The following LRRC36 variants were observed in gnomAD, a reference collection of about 807,000 sequenced individuals.
LRRC36 encodes the protein leucine rich repeat containing 36, also known as leucine-rich repeat-containing protein 36.
In LRRC36, 62 loss-of-function variants were observed where a neutral mutation model predicts 81.1. That is an observed-to-expected ratio of 0.76 (90% confidence interval 0.62 to 0.94). LRRC36 has a LOEUF of 0.94. Among genes scored for constraint, LRRC36 ranks in the 40% least tolerant of loss-of-function variants. The pLI is 0.00. For synonymous variants in LRRC36, 334 were observed against 348.6 expected (o/e 0.96, Z 0.47); for missense variants, 761 against 881.7 (o/e 0.86, Z 1.73).
In LRRC36 at chr16:67,350,250, A is replaced by C. The variant is rs1487888150; in HGVS notation, c.537A>C (p.Ala179=). The change falls in exon 5 of 14, where the codon GCA becomes GCC. Residue 179 remains alanine, a synonymous_variant. Transcript: ENST00000329956. ...MKNCVTGESS[A]SKVSANVDSR... ...ACTGTGTAACAGGTGAGAGCTCTGC[A>C]TCAAAAGTCAGTGCTAATGTTGACA... is the stretch of plus-strand genomic sequence containing the variant. 2 of 1,613,466 alleles carry C rather than the reference A, an allele frequency of 1.2e-6. No homozygotes were observed. The highest frequency in any genetic ancestry group is 2.7e-5 in the African/African-American group (2 of 74,696).
In LRRC36 at chr16:67,378,612, C is replaced by A; in HGVS notation, c.1830C>A (p.Val610=). ...NDMESLKQKL[V]RVLEENLILS... ...AGGAAAGTTTGAAGCAAAAACTGGT[C>A]AGAGTGCTGGAGGAAAACCTCATTT... The change falls in exon 12 of 14, where the codon GTC becomes GTA. Residue 610 remains valine, a synonymous_variant. Transcript: ENST00000329956. The A allele has an allele frequency of 6.2e-7, 1 of 1,613,878 alleles. No homozygotes were observed. Among genetic ancestry groups the A allele is most frequent in the South Asian group, 1.1e-5 (1 of 91,032 alleles).
At chr16:67,377,617 C>T (rs1429122152) in intron 11 of LRRC36, among the ~76,000 whole-genome samples, 1 of 152,076 alleles carries the variant, frequency 6.6e-6, no homozygotes, top group Middle Eastern at 3.4e-3. Flanking sequence ...CAGGCATGAG[C>T]CACTGCACCT....
In LRRC36 at chr16:67,347,609, A is replaced by G; in HGVS notation, c.488+18A>G. ...GAAAAAAGGTAAGAAGATTCTTTAC[A>G]AAATTTTTAAAGTTTGGTTCTGGAC... On this transcript the variant is annotated intron_variant, in intron 4 of 13. Transcript: ENST00000329956. 1 of 1,587,450 alleles carries G rather than the reference A, an allele frequency of 6.3e-7. No homozygotes were observed. The highest frequency in any genetic ancestry group is 8.6e-7 in the Non-Finnish European group (1 of 1,158,066).
chr16:67,336,011 C>T (rs1048094275), intron 1 of LRRC36, among the ~76,000 whole-genome samples: 6 of 152,212 alleles, frequency 3.9e-5, no homozygotes, highest in East Asian at 3.9e-4. Context: ...GGATTACAGG[C>T]GTGAGCCACC....
At chr16:67,353,765 G>A (rs1356208443) in intron 5 of LRRC36, among the ~76,000 whole-genome samples, 1 of 152,126 alleles carries the variant, frequency 6.6e-6, no homozygotes, top group Non-Finnish European at 1.5e-5. Flanking sequence ...CTACAGGTGA[G>A]GAAACTGATA....
Position 67,371,243 on chromosome 16 carries a change from G to A in LRRC36, c.1494+1G>A, listed in dbSNP as rs2039625030. On this transcript the variant is annotated splice_donor_variant, in intron 9 of 13. Coordinates refer to ENST00000329956, the MANE Select transcript of LRRC36 (RefSeq NM_018296.6). LOFTEE classifies it high-confidence loss of function. ...TTTCCAAGATGCTACAGGCAGCGAG[G>A]CAAGTGTTGGCTTGTTTGTGTTTGT... 1.2e-6 allele frequency: 2 copies of A among 1,614,182 alleles called. No individual in the cohort carries two copies. Among genetic ancestry groups the A allele is most frequent in the Non-Finnish European group, 1.7e-6 (2 of 1,180,034 alleles).
chr16:67,385,145 A>G lies in LRRC36; in HGVS notation c.*56A>G, dbSNP rs1158787167. The G allele has an allele frequency of 1.0e-5, 14 of 1,337,788 alleles. No homozygotes were observed. In the African/African-American group the frequency reaches 1.9e-4, roughly 18 times the overall value. The allele number at this position is 1,337,788 out of a possible 1,614,324, so 82.9% of individuals were successfully genotyped here. A position where few individuals can be genotyped will look rare whatever the true frequency, so the allele number is the denominator to read the frequency against. ...CTGGTCCACAGAGGCTCTCACCGCC[A>G]TTGCCACCAGTATGGTGGTATGTAC... On this transcript the variant is annotated 3_prime_UTR_variant, in exon 14 of 14. Coordinates refer to ENST00000329956, the MANE Select transcript of LRRC36 (RefSeq NM_018296.6).
intron 1 of LRRC36, among the ~76,000 whole-genome samples, chr16:67,330,960 T>C (rs1040190100): frequency 6.6e-6 from 1 of 152,068 alleles, no homozygotes; most frequent in Non-Finnish European, 1.5e-5. Flanking sequence ...GAAGTTGATT[T>C]GGCTCATGGT....
intron 9 of LRRC36, among the ~76,000 whole-genome samples, chr16:67,373,920 T>A (rs1239840384): frequency 6.6e-6 from 1 of 150,624 alleles, no homozygotes. Flanking sequence ...GACTGAGTCA[T>A]GAGAATTGCT....
chr16:67,366,466 T>C (rs1192129765), intron 7 of LRRC36, among the ~76,000 whole-genome samples: 1 of 151,590 alleles, frequency 6.6e-6, no homozygotes, highest in African/African-American at 2.4e-5. Context: ...AATACAAAAA[T>C]TAGCCGGGCA....
At chr16:67,375,667 G>A (rs2142155162) in intron 10 of LRRC36, among the ~76,000 whole-genome samples, 1 of 152,056 alleles carries the variant, frequency 6.6e-6, no homozygotes, top group South Asian at 2.1e-4. Context: ...GCTAGTCTTT[G>A]GTAATATATA....
intron 13 of LRRC36, among the ~76,000 whole-genome samples, chr16:67,383,439 G>A (rs763785729): frequency 3.9e-5 from 6 of 152,188 alleles, no homozygotes; most frequent in South Asian, 4.1e-4. Context: ...CTCGAAGGAC[G>A]TGTTGAAATG....
At chr16:67,349,593 C>T (rs1254692276) in intron 4 of LRRC36, among the ~76,000 whole-genome samples, 1 of 152,132 alleles carries the variant, frequency 6.6e-6, no homozygotes, top group Admixed American at 6.6e-5. Context: ...AACTGTCCTA[C>T]CCCCTCAATC....
intron 9 of LRRC36, 119 bp downstream of exon 9, chr16:67,371,361 T>G (rs1425332265): frequency 1.6e-6 from 2 of 1,259,350 alleles, no homozygotes; most frequent in African/African-American, 1.5e-5. Flanking sequence ...AAAGAGATTT[T>G]CAGAGGCTGG....
At chr16:67,348,921 C>G (rs1209617739) in intron 4 of LRRC36, among the ~76,000 whole-genome samples, 1 of 152,174 alleles carries the variant, frequency 6.6e-6, no homozygotes, top group Non-Finnish European at 1.5e-5. Context: ...CTGCTCTGAT[C>G]CATTATATGT....
At chr16:67,351,904 C>G (rs924702460) in intron 5 of LRRC36, among the ~76,000 whole-genome samples, 7 of 152,086 alleles carry the variant, frequency 4.6e-5, no homozygotes, top group African/African-American at 1.7e-4. Flanking sequence ...ACATTTTGGT[C>G]CTAGTTAATG....
At chr16:67,378,535 C>G in intron 11 of LRRC36, 54 bp from the exon 12 acceptor site, 1 of 1,579,860 alleles carries the variant, frequency 6.3e-7, no homozygotes, top group Non-Finnish European at 8.7e-7. Flanking sequence ...CCACGGCACC[C>G]AGCCTAGAAT....
chr16:67,357,454 CTT>C (rs1008255900), intron 5 of LRRC36, among the ~76,000 whole-genome samples: 3 of 152,126 alleles, frequency 2.0e-5, no homozygotes, highest in African/African-American at 7.2e-5. Flanking sequence ...TATTTCTGCT[CTT>C]ATATTTTTAT....
At chr16:67,342,652 G>A (rs781662245) in intron 2 of LRRC36, among the ~76,000 whole-genome samples, 1 of 152,170 alleles carries the variant, frequency 6.6e-6, no homozygotes, top group Non-Finnish European at 1.5e-5. Context: ...TAGCAAACAC[G>A]CACAAAGAAC....
Sources: gnomAD v4.1 joint callset for allele counts (sites outside exome capture counted in the v4.1 genomes callset) on GRCh38, gnomAD v4.1.1 for gene constraint, MANE v1.5 for transcripts, NCBI Gene and HGNC (gene_info 2026-07-23, HGNC 2026-07-21) for gene names.